Variants in PHACTR3 observed in about 807,000 individuals in gnomAD.
PHACTR3 encodes the protein protein phosphatase 1, regulatory subunit 123.
PHACTR3 carries 16 observed loss-of-function variants against 66.8 expected under a neutral mutation model. The observed-to-expected ratio is 0.24, with a 90% CI of 0.16 to 0.36. The LOEUF (loss-of-function observed/expected upper bound fraction) is 0.36. PHACTR3 is among the 10% of genes least tolerant of loss of function. The pLI is 1.00. For missense variants in PHACTR3, 647 were observed against 719.9 expected (o/e 0.90, Z 1.16); for synonymous variants, 323 against 292.1 (o/e 1.11, Z -1.08).
In PHACTR3 at chr20:59,830,893, C is replaced by T. The variant is rs988698992; in HGVS notation, c.1329-5612C>T. ...GCACCAGTGCTGACTGTGGAATAGA[C>T]AGTTGACAGCCTCCACAGACCTGGA... On this transcript the variant is annotated intron_variant, in intron 8 of 12. Coordinates refer to ENST00000371015, the MANE Select transcript of PHACTR3 (RefSeq NM_080672.5). This position sits in a 1 kb window ranked among gnomAD's most constrained non-coding sequence, Gnocchi z 5.8. Among the ~76,000 whole-genome samples the T allele has an allele frequency of 2.6e-5, 4 of 152,144 alleles. No homozygotes were observed. The highest frequency in any genetic ancestry group is 7.2e-5 in the African/African-American group (3 of 41,426).
chr20:59,593,369 A>G (rs981493630), intron 1 of PHACTR3, among the ~76,000 whole-genome samples: 2 of 152,068 alleles, frequency 1.3e-5, no homozygotes, highest in Non-Finnish European at 2.9e-5. Context: ...CTTGTTGTTG[A>G]GTTTCAAGAG....
intron 4 of PHACTR3, among the ~76,000 whole-genome samples, chr20:59,764,658 C>T (rs2040119462): frequency 6.6e-6 from 1 of 152,186 alleles, no homozygotes; most frequent in Non-Finnish European, 1.5e-5. Context: ...TCCGTGACAT[C>T]TCTGTCTCCC....
At chr20:59,679,378 A>G (rs1005978822) in intron 1 of PHACTR3, among the ~76,000 whole-genome samples, 1 of 152,222 alleles carries the variant, frequency 6.6e-6, no homozygotes, top group African/African-American at 2.4e-5. Context: ...AAACTCAGCA[A>G]AATATTAACT....
intron 7 of PHACTR3, among the ~76,000 whole-genome samples, chr20:59,783,765 G>A (rs2040810113): frequency 6.6e-6 from 1 of 152,354 alleles, no homozygotes; most frequent in Non-Finnish European, 1.5e-5. Context: ...GCCCGCAGGT[G>A]CCTGCAGCAA....
At chr20:59,602,329 G>C (rs2033500175), upstream of PHACTR3, among the ~76,000 whole-genome samples, 1 of 151,912 alleles carries the variant, frequency 6.6e-6, no homozygotes, top group African/African-American at 2.4e-5. Flanking sequence ...TACTAGGAAG[G>C]CTGAGGTGGG....
At chr20:59,809,286 G>A (rs544231664) in intron 8 of PHACTR3, among the ~76,000 whole-genome samples, 10 of 152,116 alleles carry the variant, frequency 6.6e-5, no homozygotes, top group Non-Finnish European at 5.9e-5. Context: ...TGCTTGGGGC[G>A]CAGGTGCAGG....
At chr20:59,601,111 C>T (rs180985759), upstream of PHACTR3, among the ~76,000 whole-genome samples, 10 of 152,220 alleles carry the variant, frequency 6.6e-5, no homozygotes, top group Middle Eastern at 3.4e-3. Context: ...AAAAAAGAAA[C>T]GGTACCCATT....
intron 1 of PHACTR3, among the ~76,000 whole-genome samples, chr20:59,651,341 T>G (rs901259280): frequency 4.6e-5 from 7 of 152,254 alleles, no homozygotes; most frequent in Non-Finnish European, 8.8e-5. Flanking sequence ...TAGTAAATTA[T>G]GAACTATTGC....
At chr20:59,813,037 T>C (rs1024652448) in intron 8 of PHACTR3, among the ~76,000 whole-genome samples, 1 of 152,192 alleles carries the variant, frequency 6.6e-6, no homozygotes, top group Non-Finnish European at 1.5e-5. Flanking sequence ...GGGAAGCTGA[T>C]GATACACTAT....
chr20:59,814,331 C>G (rs959287951), intron 8 of PHACTR3, among the ~76,000 whole-genome samples: 56 of 152,240 alleles, frequency 3.7e-4, no homozygotes, highest in African/African-American at 1.2e-3. Flanking sequence ...AGGCCTGTGG[C>G]TGAGGGAGGA....
At chr20:59,721,680 G>A (rs1226570839) in intron 1 of PHACTR3, among the ~76,000 whole-genome samples, 5 of 152,126 alleles carry the variant, frequency 3.3e-5, no homozygotes, top group Non-Finnish European at 5.9e-5. Context: ...GTGATGAGTC[G>A]GGAGGCTGGA....
chr20:59,847,042 T>C, intron 12 of PHACTR3, 73 bp from the exon 13 acceptor site: 1 of 1,039,660 alleles, frequency 9.6e-7, no homozygotes, highest in South Asian at 1.4e-5. Flanking sequence ...AATTTATTTG[T>C]ATAAGGTTTT....
chr20:59,670,196 G>A (rs1290264174), intron 1 of PHACTR3, among the ~76,000 whole-genome samples: 1 of 152,156 alleles, frequency 6.6e-6, no homozygotes, highest in Non-Finnish European at 1.5e-5. Flanking sequence ...CCATGATGTC[G>A]GTGATGACGA....
At position 59,818,303 on chromosome 20, in the gene PHACTR3, C is replaced by T. The variant is rs1024587670; in HGVS notation, c.1328+12109C>T. Among the ~76,000 whole-genome samples, 11 of 152,202 alleles carry T rather than the reference C, an allele frequency of 7.2e-5. No homozygotes were observed. In the East Asian group the frequency reaches 1.9e-3, roughly 27 times the overall value. ...TACAACAGAGCCTGTCTTTTGGGGC[C>T]ACGGGAAGGATGCAATGAGCCGTCA... On this transcript the variant is annotated intron_variant, in intron 8 of 12. Transcript: ENST00000371015.
Position 59,774,478 on chromosome 20 carries a change from T to C in PHACTR3, c.1162T>C (p.Ser388Pro). The C allele has an allele frequency of 6.2e-7, 1 of 1,613,548 alleles. No homozygotes were observed. The highest frequency in any genetic ancestry group is 8.5e-7 in the Non-Finnish European group (1 of 1,179,726). Residue 388 changes from serine to proline, a missense_variant, in exon 7 of 13, where the codon TCC becomes CCC. Physicochemically the swap from Ser to Pro is moderately conservative, Grantham distance 74 (BLOSUM62 -1). Transcript: ENST00000371015. ...TCAGGACGAGGAGGCGCTGAACGAC[T>C]CCATTATTTCTGGTGAGGAAAGGAT... The part of the protein sequence containing the change: ...LYQDEEALND[S>P]IISGTLPRKC...
chr20:59,728,563 C>T (rs1476868070), intron 1 of PHACTR3, among the ~76,000 whole-genome samples: 1 of 150,840 alleles, frequency 6.6e-6, no homozygotes, highest in African/African-American at 2.4e-5. Context: ...GGACTATTAC[C>T]TTTTGTTATT....
intron 7 of PHACTR3, among the ~76,000 whole-genome samples, chr20:59,779,157 A>G (rs6070940): frequency 0.27 from 41,793 of 152,084 alleles, 6,443 homozygotes; most frequent in African/African-American, 0.42. Flanking sequence ...GCCATTTGCA[A>G]ATTGAGGCTT....
chr20:59,779,484 C>T (rs1309774150), intron 7 of PHACTR3, among the ~76,000 whole-genome samples: 1 of 152,198 alleles, frequency 6.6e-6, no homozygotes, highest in Non-Finnish European at 1.5e-5. Flanking sequence ...ACCCCATTCC[C>T]ACTGTCTCGC....
intron 1 of PHACTR3, among the ~76,000 whole-genome samples, chr20:59,650,020 G>T (rs1458918478): frequency 1.3e-5 from 2 of 152,046 alleles, no homozygotes. Context: ...TATAAAGAAT[G>T]AAATACTAGG....
Sources: allele counts gnomAD v4.1 joint callset (sites outside exome capture counted in the v4.1 genomes callset), GRCh38; gene constraint gnomAD v4.1.1; non-coding constraint Gnocchi (gnomAD v3.1); transcripts MANE v1.5; gene names NCBI Gene and HGNC (gene_info 2026-07-23, HGNC 2026-07-21).